The following SH2D4A variants were observed in gnomAD, a reference collection of about 807,000 sequenced individuals.
The protein encoded by SH2D4A is SH2 domain containing 4A, also known as SH2 domain-containing protein 4A.
In SH2D4A, 70 loss-of-function variants were observed where a neutral mutation model predicts 64.7. The observed-to-expected ratio is 1.08, with a 90% CI of 0.89 to 1.32. The LOEUF (loss-of-function observed/expected upper bound fraction) is 1.32, where lower values mean the gene tolerates loss of function less well. SH2D4A is among the 40% of genes most tolerant of loss of function. The pLI is 0.00. For missense variants in SH2D4A, 706 were observed against 540.1 expected (o/e 1.31, Z -3.04); for synonymous variants, 268 against 200.7 (o/e 1.34, Z -2.83).
chr8:19,367,669 T>A (rs2053021454), intron 7 of SH2D4A, among the ~76,000 whole-genome samples: 1 of 152,206 alleles, frequency 6.6e-6, no homozygotes, highest in African/African-American at 2.4e-5. Context: ...TTCTGTAACT[T>A]GTCTCTTTAC....
At chr8:19,388,919 C>A (rs1046294444) in intron 8 of SH2D4A, among the ~76,000 whole-genome samples, 1 of 152,144 alleles carries the variant, frequency 6.6e-6, no homozygotes, top group Non-Finnish European at 1.5e-5. Flanking sequence ...ACAGTCATGG[C>A]AGAAGGTTCT....
chr8:19,373,874 A>G (rs2053152371), intron 8 of SH2D4A, among the ~76,000 whole-genome samples: 2 of 152,200 alleles, frequency 1.3e-5, no homozygotes, highest in African/African-American at 4.8e-5. Flanking sequence ...CACTGTATGC[A>G]CTGTGGGGCA....
intron 4 of SH2D4A, among the ~76,000 whole-genome samples, chr8:19,344,820 A>G (rs947984046): frequency 1.3e-5 from 2 of 152,144 alleles, no homozygotes; most frequent in African/African-American, 4.8e-5. Flanking sequence ...TGCATGTACT[A>G]TGTAATATAT....
chr8:19,365,276 C>G (rs1276459547), intron 7 of SH2D4A, among the ~76,000 whole-genome samples: 1 of 152,086 alleles, frequency 6.6e-6, no homozygotes, highest in East Asian at 1.9e-4. Flanking sequence ...TGGAAAGTTC[C>G]GTTTCGGGAA....
At chr8:19,374,306 T>G (rs991563430) in intron 8 of SH2D4A, among the ~76,000 whole-genome samples, 4 of 152,168 alleles carry the variant, frequency 2.6e-5, no homozygotes, top group Admixed American at 6.5e-5. Context: ...AGCAGATACT[T>G]CACAGGCCCC....
intron 1 of SH2D4A, among the ~76,000 whole-genome samples, 191 bp from the exon 2 acceptor site, chr8:19,319,153 A>T (rs558321913): frequency 6.6e-6 from 1 of 151,390 alleles, no homozygotes; most frequent in African/African-American, 2.4e-5. Flanking sequence ...TTGACAGAGT[A>T]TCTTTAGAAA....
Position 19,395,520 on chromosome 8 carries a change from T to A in SH2D4A, c.*878T>A, listed in dbSNP as rs2053574364. On this transcript the variant is annotated 3_prime_UTR_variant, in exon 10 of 10. Transcript: ENST00000265807. Reference sequence around the variant, plus strand: ...AGGGTCTTTGCAGATATAGTCAAGATGAGGTCACATTGGATTAGGGTGGGC... The same window carrying A: ...AGGGTCTTTGCAGATATAGTCAAGAAGAGGTCACATTGGATTAGGGTGGGC... 1 of 152,182 alleles carries A rather than the reference T, an allele frequency of 6.6e-6. No individual in the cohort carries two copies. Among genetic ancestry groups the A allele is most frequent in the Admixed American group, 6.5e-5 (1 of 15,274 alleles). 9.4% of individuals were successfully genotyped at this position (152,182 alleles called of 1,614,324 possible). A position where few individuals can be genotyped will look rare whatever the true frequency, so the allele number is the denominator to read the frequency against.
intron 1 of SH2D4A, among the ~76,000 whole-genome samples, chr8:19,314,435 C>T (rs1427053344): frequency 3.3e-5 from 5 of 152,140 alleles, no homozygotes; most frequent in Non-Finnish European, 7.4e-5. Context: ...GCAGCGCCGC[C>T]TCCCTCGGGC....
At chr8:19,344,790 T>G (rs2052586378) in intron 4 of SH2D4A, among the ~76,000 whole-genome samples, 1 of 152,148 alleles carries the variant, frequency 6.6e-6, no homozygotes. Flanking sequence ...TTTTCCCAGA[T>G]TTTTATAAAA....
intron 8 of SH2D4A, among the ~76,000 whole-genome samples, chr8:19,389,296 G>A (rs752424587): frequency 1.2e-4 from 19 of 152,124 alleles, no homozygotes; most frequent in African/African-American, 3.1e-4. Flanking sequence ...ATGTTTCCCC[G>A]GGGCCTTTCC....
rs917868330 is a variant in SH2D4A at position 19,357,197 on chromosome 8, T to C, written c.514-6T>C. On this transcript the variant is annotated splice_polypyrimidine_tract_variant and splice_region_variant and intron_variant, in intron 4 of 9. Transcript: ENST00000265807. ...ATGCCATAAATGTGTTTCGTTTAAT[T>C]TTTAGTCACTCTCCAGTTCTTCAAG... The C allele has an allele frequency of 2.5e-6, 4 of 1,610,026 alleles. No individual in the cohort carries two copies. Among genetic ancestry groups the C allele is most frequent in the Admixed American group, 3.3e-5 (2 of 59,952 alleles).
At chr8:19,378,201 A>G (rs1042219745) in intron 8 of SH2D4A, among the ~76,000 whole-genome samples, 1 of 152,140 alleles carries the variant, frequency 6.6e-6, no homozygotes, top group African/African-American at 2.4e-5. Flanking sequence ...TATGGGTTAC[A>G]TATATATTCT....
intron 4 of SH2D4A, among the ~76,000 whole-genome samples, chr8:19,340,271 G>A (rs1295378481): frequency 6.6e-6 from 1 of 152,154 alleles, no homozygotes; most frequent in African/African-American, 2.4e-5. Context: ...GGTCTTGGGG[G>A]CTACTTACGT....
At chr8:19,385,214 T>G (rs1279996999) in intron 8 of SH2D4A, among the ~76,000 whole-genome samples, 2 of 70,670 alleles carry the variant, frequency 2.8e-5, no homozygotes, top group South Asian at 4.2e-4. Flanking sequence ...TGTTTTTTTG[T>G]TTTTTTTTTT....
chr8:19,347,280 C>T (rs2052627738), intron 4 of SH2D4A, among the ~76,000 whole-genome samples: 1 of 152,162 alleles, frequency 6.6e-6, no homozygotes, highest in Admixed American at 6.5e-5. Context: ...AGATGCCATT[C>T]CCAGGCAAGG....
At chr8:19,377,273 T>C (rs998763081) in intron 8 of SH2D4A, among the ~76,000 whole-genome samples, 8 of 152,170 alleles carry the variant, frequency 5.3e-5, no homozygotes, top group Non-Finnish European at 8.8e-5. Flanking sequence ...TTCCAGCTAC[T>C]TGGGAGGCTG....
At chr8:19,348,602 G>C (rs1358896639) in intron 4 of SH2D4A, among the ~76,000 whole-genome samples, 2 of 152,178 alleles carry the variant, frequency 1.3e-5, no homozygotes, top group African/African-American at 4.8e-5. Flanking sequence ...TAAAAGGAGA[G>C]ATTCAGAAGA....
At position 19,378,996 on chromosome 8, in the gene SH2D4A, C is replaced by T. The variant is rs541129330; in HGVS notation, c.1048+5336C>T. ...GCCTGGGAGGCTAAGGCAGGAGGAT[C>T]GCTTGAGTCTAGGAGACAGAGGTTG... On this transcript the variant is annotated intron_variant, in intron 8 of 9. Transcript: ENST00000265807. Among the ~76,000 whole-genome samples the T allele has an allele frequency of 4.9e-4, 74 of 150,120 alleles. 1 individual carries two copies. Among genetic ancestry groups the T allele is most frequent in the African/African-American group, 1.5e-3 (60 of 40,834 alleles).
chr8:19,328,136 AGCACCT>A (rs990519027), intron 2 of SH2D4A, among the ~76,000 whole-genome samples: 37 of 152,226 alleles, frequency 2.4e-4, no homozygotes, highest in Non-Finnish European at 4.3e-4. Flanking sequence ...CTCTGAATAA[AGCACCT>A]GCTTTTCCAA....
Sources: allele counts gnomAD v4.1 joint callset (sites outside exome capture counted in the v4.1 genomes callset), GRCh38; gene constraint gnomAD v4.1.1; transcripts MANE v1.5; gene names NCBI Gene and HGNC (gene_info 2026-07-23, HGNC 2026-07-21).